The following UVRAG variants were observed in gnomAD, a reference collection of about 807,000 sequenced individuals.
UVRAG encodes UV radiation resistance associated.
UVRAG carries 19 observed loss-of-function variants against 78.0 expected under a neutral mutation model. The ratio of observed to expected loss-of-function variants is 0.24; its 90% confidence interval spans 0.17 to 0.36. The LOEUF is 0.36. Among genes scored for constraint, UVRAG ranks in the 10% least tolerant of loss-of-function variants. The probability of loss-of-function intolerance (pLI) is 1.00; values close to 1 mark genes in which losing one functional copy is unlikely to be tolerated. For missense variants in UVRAG, 740 were observed against 853.8 expected, an observed-to-expected ratio of 0.87 and a Z score of 1.66; for synonymous variants, 323 against 324.6, an observed-to-expected ratio of 1.00 and a Z score of 0.05.
At chr11:75,908,370 T>C (rs1287036137) in intron 5 of UVRAG, among the ~76,000 whole-genome samples, 15 of 152,252 alleles carry the variant, frequency 9.9e-5, no homozygotes, top group Non-Finnish European at 1.5e-5. Flanking sequence ...TAAATAATGC[T>C]GCTATGAATA....
At chr11:75,963,363 A>G (rs559833819) in intron 7 of UVRAG, among the ~76,000 whole-genome samples, 1 of 152,338 alleles carries the variant, frequency 6.6e-6, no homozygotes, top group South Asian at 2.1e-4. Context: ...GAAGGGAAAC[A>G]GCTTTCCCAC....
Position 76,041,766 on chromosome 11 carries a change from G to T in UVRAG, c.1227-23944G>T, listed in dbSNP as rs554430151. Among the ~76,000 whole-genome samples the T allele has an allele frequency of 2.0e-5, 3 of 152,244 alleles. No individual in the cohort carries two copies. In the East Asian group the frequency reaches 5.8e-4, roughly 29 times the overall value. On this transcript the variant is annotated intron_variant, in intron 12 of 14. Transcript: ENST00000356136. ...TTGACACAGTTAAAAAATTACAGTG[G>T]ATATAAACAGGCCTTATATTATATT...
chr11:76,043,184 C>T (rs1386047283), intron 12 of UVRAG, among the ~76,000 whole-genome samples: 1 of 151,970 alleles, frequency 6.6e-6, no homozygotes, highest in Non-Finnish European at 1.5e-5. Context: ...GGTCATTATT[C>T]TCTAATTTTA....
Position 76,140,982 on chromosome 11 carries a change from T to C in UVRAG, c.1669T>C (p.Phe557Leu), listed in dbSNP as rs772989374. The change falls in exon 15 of 15, where the codon TTC becomes CTC. Residue 557 changes from phenylalanine (F) to leucine (L), a missense_variant. Transcript: ENST00000356136. Reference sequence around the variant, plus strand: ...CTCCTCCTTGGATACCTCCTTGGACTTCTCCAAAGAAAACAAGAAAAAAGG... The same window carrying C: ...CTCCTCCTTGGATACCTCCTTGGACCTCTCCAAAGAAAACAAGAAAAAAGG... ...LSSSLDTSLD[F>L]SKENKKKGED... 1 of 1,614,066 alleles carries C rather than the reference T, an allele frequency of 6.2e-7. No individual in the cohort carries two copies. Among genetic ancestry groups the C allele is most frequent in the Admixed American group, 1.7e-5 (1 of 59,996 alleles).
intron 5 of UVRAG, among the ~76,000 whole-genome samples, chr11:75,904,440 G>A (rs1407065733): frequency 6.6e-6 from 1 of 152,210 alleles, no homozygotes; most frequent in Admixed American, 6.5e-5. Context: ...TCAGAAGTCT[G>A]TTGGGATCGA....
chr11:75,939,943 A>T (rs1259397980), intron 6 of UVRAG, among the ~76,000 whole-genome samples: 3 of 152,202 alleles, frequency 2.0e-5, no homozygotes, highest in Non-Finnish European at 4.4e-5. Flanking sequence ...CCAAATGGAG[A>T]AATTCGTTAA....
At chr11:75,863,327 CAG>C (rs1946463823) in intron 3 of UVRAG, among the ~76,000 whole-genome samples, 1 of 152,164 alleles carries the variant, frequency 6.6e-6, no homozygotes, top group African/African-American at 2.4e-5. Context: ...CAGGTGGAAA[CAG>C]AAATAGTTTG....
chr11:76,136,048 T>C (rs1234916866), intron 14 of UVRAG, among the ~76,000 whole-genome samples: 15 of 152,240 alleles, frequency 9.9e-5, no homozygotes, highest in Admixed American at 7.2e-4. Flanking sequence ...CCTCTTCATC[T>C]AGATGAAATA....
At chr11:76,120,563 A>G (rs970864288) in intron 14 of UVRAG, among the ~76,000 whole-genome samples, 4 of 152,162 alleles carry the variant, frequency 2.6e-5, no homozygotes, top group Non-Finnish European at 5.9e-5. Context: ...CAGCAAACCC[A>G]TTAAGCTCCA....
At chr11:76,081,857 A>G (rs1951499980) in intron 13 of UVRAG, among the ~76,000 whole-genome samples, 1 of 151,890 alleles carries the variant, frequency 6.6e-6, no homozygotes, top group Admixed American at 6.6e-5. Flanking sequence ...TATTTATGTA[A>G]TCAAATACTG....
intron 6 of UVRAG, among the ~76,000 whole-genome samples, chr11:75,929,689 TTTG>T (rs1195403146): frequency 2.0e-5 from 3 of 152,178 alleles, no homozygotes; most frequent in African/African-American, 7.2e-5. Flanking sequence ...CCTCCATAGA[TTTG>T]TGGGGGACAG....
intron 6 of UVRAG, among the ~76,000 whole-genome samples, chr11:75,954,620 G>C (rs1187445924): frequency 6.6e-6 from 1 of 152,104 alleles, no homozygotes; most frequent in East Asian, 1.9e-4. Flanking sequence ...TCAAATTTTG[G>C]GACTGTGCTT....
At chr11:76,060,496 T>G (rs1951062451) in intron 12 of UVRAG, among the ~76,000 whole-genome samples, 1 of 152,250 alleles carries the variant, frequency 6.6e-6, no homozygotes, top group Non-Finnish European at 1.5e-5. Context: ...ACCGCTGCAC[T>G]GTGGGAGCCC....
intron 6 of UVRAG, among the ~76,000 whole-genome samples, chr11:75,946,526 C>A (rs1401233395): frequency 2.0e-5 from 3 of 152,182 alleles, no homozygotes; most frequent in African/African-American, 7.2e-5. Flanking sequence ...TTGGGAACAG[C>A]TGACTTGGTT....
At chr11:76,104,524 A>G (rs1951937096) in intron 13 of UVRAG, among the ~76,000 whole-genome samples, 1 of 152,210 alleles carries the variant, frequency 6.6e-6, no homozygotes. Flanking sequence ...GAATAAACAC[A>G]TTAACAGCTG....
rs146810682 is a variant in UVRAG, at chr11:75,949,554, A to C, written c.594-11890A>C. Among the ~76,000 whole-genome samples, 633 of 152,136 alleles carry C rather than the reference A, an allele frequency of 4.2e-3. 4 individuals carry two copies. The highest frequency in any genetic ancestry group is 0.015 in the African/African-American group (609 of 41,496). ...CACAGGCACCTCCAACTGAAAATAG[A>C]ACTTTCTTCTCAAACTGTTGCTGCC... On this transcript the variant is annotated intron_variant, in intron 6 of 14. Coordinates refer to ENST00000356136, the MANE Select transcript of UVRAG (RefSeq NM_003369.4).
chr11:75,845,127 A>G (rs919986700), intron 1 of UVRAG, among the ~76,000 whole-genome samples: 1 of 152,224 alleles, frequency 6.6e-6, no homozygotes, highest in Admixed American at 6.5e-5. Flanking sequence ...TGTCTCCCAG[A>G]TGAAAGCTGA....
intron 13 of UVRAG, among the ~76,000 whole-genome samples, chr11:76,095,626 G>A (rs1248999727): frequency 1.3e-5 from 2 of 151,068 alleles, no homozygotes; most frequent in African/African-American, 2.4e-5. Context: ...CCAATGCTTT[G>A]GGAGGCCAAA....
intron 7 of UVRAG, 22 bp from the exon 8 acceptor site, chr11:75,983,365 A>G (rs576258519): frequency 1.9e-6 from 3 of 1,560,098 alleles, no homozygotes; most frequent in East Asian, 2.3e-5. Context: ...TCATAAATAT[A>G]CCTGTGATTT....
Sources: allele counts gnomAD v4.1 joint callset (sites outside exome capture counted in the v4.1 genomes callset), GRCh38; gene constraint gnomAD v4.1.1; transcripts MANE v1.5; gene names NCBI Gene and HGNC (gene_info 2026-07-23, HGNC 2026-07-21).